NDUFAF2: variants seen among roughly 807,000 people sequenced by gnomAD.
NDUFAF2 encodes the protein NADH:ubiquinone oxidoreductase complex assembly factor 2.
In NDUFAF2, 13 loss-of-function variants were observed where a neutral mutation model predicts 22.8. The ratio of observed to expected loss-of-function variants is 0.57; its 90% CI spans 0.37 to 0.91. The LOEUF is 0.91. Among genes scored for constraint, NDUFAF2 ranks in the 40% least tolerant of loss-of-function variants. NDUFAF2 has a pLI of 0.01. For synonymous variants in NDUFAF2, 53 were observed against 64.2 expected (o/e 0.83, Z 0.84); for missense variants, 162 against 195.2 (o/e 0.83, Z 1.01).
chr5:61,106,537 G>A (rs1752765567), intron 3 of NDUFAF2, among the ~76,000 whole-genome samples: 1 of 150,960 alleles, frequency 6.6e-6, no homozygotes. Flanking sequence ...TCCTTTCCTT[G>A]TATTACAAAC....
In NDUFAF2 at chr5:61,136,677, A is replaced by G. The variant is rs553479411; in HGVS notation, c.259-16027A>G. ...ACTTCTAAAAGCATTAGAGTTGAAC[A>G]GTAAGAAAGGGAAAAAAAGAAAGTC... On this transcript the variant is annotated intron_variant, in intron 3 of 3. Transcript: ENST00000296597. 4.6e-5 allele frequency among the ~76,000 whole-genome samples: 7 copies of G among 152,356 alleles called. No individual in the cohort carries two copies. In the East Asian group the frequency reaches 1.3e-3, roughly 29 times the overall value.
chr5:60,992,989 C>T (rs771816943), intron 1 of NDUFAF2, among the ~76,000 whole-genome samples: 24 of 152,160 alleles, frequency 1.6e-4, no homozygotes, highest in Non-Finnish European at 3.5e-4. Context: ...CTGTTGGTCT[C>T]GTTCCACACA....
chr5:60,974,848 C>A (rs1292728623), intron 1 of NDUFAF2, among the ~76,000 whole-genome samples: 1 of 152,154 alleles, frequency 6.6e-6, no homozygotes, highest in African/African-American at 2.4e-5. Context: ...CAGGGTCTCA[C>A]TGTGTTGCCC....
chr5:61,049,814 TTATATACATA>T (rs1402637400), intron 1 of NDUFAF2, among the ~76,000 whole-genome samples: 1 of 151,064 alleles, frequency 6.6e-6, no homozygotes, highest in East Asian at 1.9e-4. Flanking sequence ...ATGTGTGTAT[TTATATACATA>T]TATATAAATA....
At position 61,088,885 on chromosome 5, in the gene NDUFAF2, A is replaced by G. The variant is rs554931630; in HGVS notation, c.218-10107A>G. 3.9e-4 allele frequency among the ~76,000 whole-genome samples: 59 copies of G among 152,180 alleles called. 2 individuals carry two copies. The highest frequency in any genetic ancestry group is 3.7e-3 in the Admixed American group (56 of 15,260). On this transcript the variant is annotated intron_variant, in intron 2 of 3. Transcript: ENST00000296597. ...TCTTCTGTAAGTGAAGTAAGCACAT[A>G]TTTCTAATGCAATATCTTTTGGATG...
intron 3 of NDUFAF2, among the ~76,000 whole-genome samples, chr5:61,132,599 T>C (rs576704384): frequency 6.6e-6 from 1 of 152,270 alleles, no homozygotes; most frequent in Admixed American, 6.5e-5. Context: ...CAACCCTAAT[T>C]AGTAGTCTAG....
At chr5:61,137,025 C>T (rs1204607553) in intron 3 of NDUFAF2, among the ~76,000 whole-genome samples, 1 of 152,192 alleles carries the variant, frequency 6.6e-6, no homozygotes. Context: ...ATGGATGAGG[C>T]ATCAATATTT....
chr5:61,037,418 A>AT (rs946191149), intron 1 of NDUFAF2, among the ~76,000 whole-genome samples: 7 of 152,160 alleles, frequency 4.6e-5, no homozygotes, highest in African/African-American at 1.4e-4. Context: ...TTAATGAGAG[A>AT]TTTTTTAAAT....
chr5:61,010,939 G>A (rs934114523), intron 1 of NDUFAF2, among the ~76,000 whole-genome samples: 1 of 151,942 alleles, frequency 6.6e-6, no homozygotes, highest in African/African-American at 2.4e-5. Context: ...GTGCTGGCTG[G>A]CCTTTTGGCT....
chr5:61,137,191 C>G lies in NDUFAF2; in HGVS notation c.259-15513C>G, dbSNP rs28728076. Among the ~76,000 whole-genome samples, 1,203 of 152,270 alleles carry G rather than the reference C, an allele frequency of 7.9e-3. 16 individuals are homozygous for G. The highest frequency in any genetic ancestry group is 0.028 in the African/African-American group (1,165 of 41,550). On this transcript the variant is annotated intron_variant, in intron 3 of 3. Coordinates refer to ENST00000296597, the MANE Select transcript of NDUFAF2 (RefSeq NM_174889.5). Reference sequence around the variant, plus strand: ...CTTTGGCTCTTCTTCTCTACTATTTCTCTGGACAATCTCATCCTTGTCTTG... The same window carrying G: ...CTTTGGCTCTTCTTCTCTACTATTTGTCTGGACAATCTCATCCTTGTCTTG...
At chr5:61,037,367 A>G (rs1303576701) in intron 1 of NDUFAF2, among the ~76,000 whole-genome samples, 9 of 152,226 alleles carry the variant, frequency 5.9e-5, no homozygotes, top group Non-Finnish European at 1.2e-4. Context: ...TCAAAGTACA[A>G]TGAGTGTAGA....
intron 1 of NDUFAF2, among the ~76,000 whole-genome samples, chr5:61,030,574 G>C (rs1010199680): frequency 2.0e-5 from 3 of 151,960 alleles, no homozygotes; most frequent in African/African-American, 7.3e-5. Flanking sequence ...TAAAACCATT[G>C]ATTTTGTTTT....
intron 3 of NDUFAF2, among the ~76,000 whole-genome samples, chr5:61,109,948 G>A (rs1347180909): frequency 2.0e-5 from 3 of 152,100 alleles, no homozygotes; most frequent in African/African-American, 4.8e-5. Flanking sequence ...ACTAGCTGTG[G>A]GTCTGTTGTA....
At chr5:61,044,910 G>A (rs1370819157) in intron 1 of NDUFAF2, among the ~76,000 whole-genome samples, 1 of 151,594 alleles carries the variant, frequency 6.6e-6, no homozygotes, top group Non-Finnish European at 1.5e-5. Flanking sequence ...AGATTGCTTT[G>A]GGGAGTATGG....
rs183375610 is a variant in NDUFAF2 at position 61,062,426 on chromosome 5, T to G, written c.128-10699T>G. ...TCAATCAATGAAATTAAAGATACAA[T>G]TGTCGGCTTCAACAGCAGGCTAGAT... On this transcript the variant is annotated intron_variant, in intron 1 of 3. Transcript: ENST00000296597. 2.7e-3 allele frequency among the ~76,000 whole-genome samples: 408 copies of G among 152,138 alleles called. 1 individual carries two copies. Among genetic ancestry groups the G allele is most frequent in the Middle Eastern group, 0.024 (7 of 294 alleles).
At chr5:61,110,929 A>G (rs920149206) in intron 3 of NDUFAF2, among the ~76,000 whole-genome samples, 2 of 151,290 alleles carry the variant, frequency 1.3e-5, no homozygotes, top group African/African-American at 2.4e-5. Context: ...AAGTTTTTCT[A>G]CTTTTTTGGT....
At position 60,983,225 on chromosome 5, in the gene NDUFAF2, T is replaced by G. The variant is rs1260240855; in HGVS notation, c.127+37843T>G. Among the ~76,000 whole-genome samples, 7 of 143,750 alleles carry G rather than the reference T, an allele frequency of 4.9e-5. 1 individual carries two copies. The highest frequency in any genetic ancestry group is 1.8e-4 in the African/African-American group (7 of 38,184). The allele number at this position is 143,750 out of a possible 152,430, so 94.3% of individuals were successfully genotyped here. ...CTTGAGAAGTGTCTGTTCATATCCT[T>G]TGCCCACTTGTTGATGGGGTTGTTT... On this transcript the variant is annotated intron_variant, in intron 1 of 3. Transcript: ENST00000296597.
At chr5:60,946,065 T>C (rs147370726) in intron 1 of NDUFAF2, among the ~76,000 whole-genome samples, 1 of 152,304 alleles carries the variant, frequency 6.6e-6, no homozygotes, top group African/African-American at 2.4e-5. Context: ...ATGGTGTTAC[T>C]GTGTAGGATT....
At chr5:60,969,232 A>G (rs935527398) in intron 1 of NDUFAF2, among the ~76,000 whole-genome samples, 5 of 152,054 alleles carry the variant, frequency 3.3e-5, no homozygotes, top group Non-Finnish European at 5.9e-5. Context: ...TGTACCTGGT[A>G]GGGGATTGCC....
Sources: gnomAD v4.1 joint callset for allele counts (sites outside exome capture counted in the v4.1 genomes callset) on GRCh38, gnomAD v4.1.1 for gene constraint, MANE v1.5 for transcripts, NCBI Gene and HGNC (gene_info 2026-07-23, HGNC 2026-07-21) for gene names.